Variants in PARVB observed in about 807,000 individuals in gnomAD.
PARVB encodes beta-parvin.
Under a neutral mutation model 47.0 loss-of-function variants are expected in PARVB, and 46 were observed. That is an observed-to-expected ratio of 0.98 (90% confidence interval 0.77 to 1.25). The LOEUF (loss-of-function observed/expected upper bound fraction) is 1.25. Ranked by LOEUF, PARVB falls within the 50% of genes most tolerant of loss-of-function variation. The pLI is 0.00. For missense variants in PARVB, 473 were observed against 471.6 expected (o/e 1.00, Z -0.03); for synonymous variants, 196 against 196.3 (o/e 1.00, Z 0.01).
At chr22:44,002,692 C>T (rs1362280369) in intron 2 of PARVB, among the ~76,000 whole-genome samples, 1 of 152,154 alleles carries the variant, frequency 6.6e-6, no homozygotes, top group Non-Finnish European at 1.5e-5. Context: ...AACGTGAGGC[C>T]TGTTTTTACA....
At chr22:44,131,679 C>G (rs368717873) in intron 5 of PARVB, 52 bp downstream of exon 5, 9 of 1,528,390 alleles carry the variant, frequency 5.9e-6, no homozygotes, top group African/African-American at 1.4e-5. Context: ...CCCGTCCTCT[C>G]GACATTCGTC....
chr22:44,136,203 C>T (rs1229270462), intron 6 of PARVB, among the ~76,000 whole-genome samples: 1 of 152,118 alleles, frequency 6.6e-6, no homozygotes, highest in Non-Finnish European at 1.5e-5. Context: ...CACACAAATG[C>T]CAACTCTCAA....
intron 4 of PARVB, among the ~76,000 whole-genome samples, chr22:44,128,496 G>A (rs1352635399): frequency 6.6e-6 from 1 of 152,226 alleles, no homozygotes; most frequent in Non-Finnish European, 1.5e-5. Context: ...CGTATTCTCT[G>A]TTGCACAGGA....
At chr22:44,127,160 G>A (rs554710609) in intron 4 of PARVB, among the ~76,000 whole-genome samples, 6 of 152,244 alleles carry the variant, frequency 3.9e-5, no homozygotes, top group African/African-American at 1.4e-4. Context: ...TGGAGTAGCT[G>A]CTGTTCCATC....
chr22:44,168,531 G>A (rs1331808005), intron 12 of PARVB, 71 bp from the exon 13 acceptor site: 1 of 1,002,466 alleles, frequency 1.0e-6, no homozygotes, highest in Non-Finnish European at 1.6e-6. Flanking sequence ...TGGAGACGTG[G>A]CTTCTGAGAG....
chr22:44,073,359 C>T (rs1413655928), intron 1 of PARVB, among the ~76,000 whole-genome samples: 2 of 152,042 alleles, frequency 1.3e-5, no homozygotes, highest in African/African-American at 4.8e-5. Context: ...CTGGGCGTGG[C>T]GGTGCATGCT....
upstream of PARVB, among the ~76,000 whole-genome samples, chr22:44,022,840 G>A (rs1233467974): frequency 1.3e-5 from 2 of 151,656 alleles, no homozygotes; most frequent in East Asian, 3.9e-4. Context: ...TCCACCTCCC[G>A]AGTTCAAGCG....
chr22:44,066,778 T>TTTCTTCTCCTCCTCCTCCTTCTCC (rs202143083), intron 1 of PARVB, among the ~76,000 whole-genome samples: 1 of 118,722 alleles, frequency 8.4e-6, no homozygotes, highest in African/African-American at 3.2e-5. Context: ...CCCTTAATTA[T>TTTCTTCTCCTCCTCCTCCTTCTCC]TTCTCCTCCT....
chr22:44,098,682 TC>T (rs2052368007), intron 2 of PARVB, among the ~76,000 whole-genome samples: 1 of 152,178 alleles, frequency 6.6e-6, no homozygotes, highest in Non-Finnish European at 1.5e-5. Flanking sequence ...AGTGTCCTTT[TC>T]AGGCATCAGA....
intron 12 of PARVB, among the ~76,000 whole-genome samples, chr22:44,165,154 G>A (rs2054140104): frequency 6.6e-6 from 1 of 152,154 alleles, no homozygotes; most frequent in South Asian, 2.1e-4. Flanking sequence ...ACCATGCCCG[G>A]CTAATGTTTT....
chr22:44,040,830 C>T (rs1052554272), intron 1 of PARVB, among the ~76,000 whole-genome samples: 2 of 151,382 alleles, frequency 1.3e-5, no homozygotes, highest in Admixed American at 6.6e-5. Flanking sequence ...GGTGAAACCC[C>T]GTCTCTACTA....
At chr22:44,168,421 C>A in intron 12 of PARVB, 181 bp from the exon 13 acceptor site, 5 of 581,446 alleles carry the variant, frequency 8.6e-6, no homozygotes. Flanking sequence ...CTCACAAAAC[C>A]TGTGTGTCTG....
At chr22:44,081,205 T>C (rs550711003) in intron 1 of PARVB, among the ~76,000 whole-genome samples, 6 of 152,124 alleles carry the variant, frequency 3.9e-5, no homozygotes, top group Non-Finnish European at 7.4e-5. Flanking sequence ...GTTCTTTGAG[T>C]ATCTCAGGTG....
rs1010856754 is a variant in PARVB, at chr22:44,172,605, G to A, written c.*3927G>A. The A allele has an allele frequency of 5.6e-5, 12 of 214,426 alleles. No homozygotes were observed. The highest frequency in any genetic ancestry group is 1.6e-4 in the East Asian group (1 of 6,352). The allele number at this position is 214,426 out of a possible 1,614,324, so 13.3% of individuals were successfully genotyped here. On this transcript the variant is annotated 3_prime_UTR_variant, in exon 13 of 13. Coordinates refer to ENST00000338758, the MANE Select transcript of PARVB (RefSeq NM_013327.5). ...ATGCAAGCACCGAGCCCAGAGTCCC[G>A]CTGGGCCGTGGTGTCCTAATTGTCT...
chr22:44,013,000 G>A (rs780888197), intron 2 of PARVB, among the ~76,000 whole-genome samples: 6 of 151,882 alleles, frequency 4.0e-5, no homozygotes, highest in Non-Finnish European at 7.4e-5. Context: ...GGGTTCAGGC[G>A]ATTCTCGTGC....
Position 44,117,466 on chromosome 22 carries a change from C to A in PARVB, c.274-1572C>A, listed in dbSNP as rs779221998. Among the ~76,000 whole-genome samples, 56 of 152,242 alleles carry A rather than the reference C, an allele frequency of 3.7e-4. 1 individual carries two copies. The highest frequency in any genetic ancestry group is 5.7e-4 in the Non-Finnish European group (39 of 67,990). Reference sequence around the variant, plus strand: ...GACTCCCAGGCCAGTGCTCTCCCTCCCCCTGCCAGCCACCTCGCAGAGAGA... The same window carrying A: ...GACTCCCAGGCCAGTGCTCTCCCTCACCCTGCCAGCCACCTCGCAGAGAGA... On this transcript the variant is annotated intron_variant, in intron 3 of 12. Coordinates refer to ENST00000338758, the MANE Select transcript of PARVB (RefSeq NM_013327.5).
At chr22:44,078,449 G>A (rs1395995640) in intron 1 of PARVB, among the ~76,000 whole-genome samples, 1 of 152,170 alleles carries the variant, frequency 6.6e-6, no homozygotes, top group Non-Finnish European at 1.5e-5. Context: ...TACCATGTCG[G>A]GGCAGGCATG....
At chr22:44,038,623 A>T (rs2146911018) in intron 1 of PARVB, among the ~76,000 whole-genome samples, 3 of 152,234 alleles carry the variant, frequency 2.0e-5, no homozygotes, top group Admixed American at 2.0e-4. Flanking sequence ...TCTACTAAAA[A>T]ATACAAAAAT....
In PARVB at chr22:44,041,380, C is replaced by T. The variant is rs374886907; in HGVS notation, c.112+16929C>T. Among the ~76,000 whole-genome samples, 33 of 151,774 alleles carry T rather than the reference C, an allele frequency of 2.2e-4. 1 individual carries two copies. Among genetic ancestry groups the T allele is most frequent in the South Asian group, 1.0e-3 (5 of 4,786 alleles). The stretch of plus-strand genomic sequence containing the variant: ...AGTGACATATGCCTGTGGTCTCAGC[C>T]ACTTGGGAGGCTGAGGCAGGAGAAT... On this transcript the variant is annotated intron_variant, in intron 1 of 12. Transcript: ENST00000338758.
Sources: gnomAD v4.1 joint callset for allele counts (sites outside exome capture counted in the v4.1 genomes callset) on GRCh38, gnomAD v4.1.1 for gene constraint, MANE v1.5 for transcripts, NCBI Gene and HGNC (gene_info 2026-07-23, HGNC 2026-07-21) for gene names.